STK39: variants seen among roughly 807,000 people sequenced by gnomAD.
The protein encoded by STK39 is serine/threonine kinase 39.
A neutral mutation model predicts 77.8 loss-of-function variants in STK39; 20 were observed. The observed-to-expected ratio is 0.26, with a 90% confidence interval of 0.18 to 0.37. STK39 has a LOEUF of 0.37. STK39 is among the 10% of genes least tolerant of loss of function. The pLI is 1.00. For synonymous variants in STK39, 246 were observed against 234.1 expected (o/e 1.05, Z -0.47); for missense variants, 479 against 656.5 (o/e 0.73, Z 2.95).
chr2:168,229,212 C>T (rs903786413), intron 1 of STK39, among the ~76,000 whole-genome samples: 1 of 151,856 alleles, frequency 6.6e-6, no homozygotes, highest in African/African-American at 2.4e-5. Flanking sequence ...TGGTGAAACC[C>T]ATCTCTACTA....
intron 1 of STK39, among the ~76,000 whole-genome samples, chr2:168,209,136 T>C (rs1447976117): frequency 6.6e-6 from 1 of 152,182 alleles, no homozygotes; most frequent in Non-Finnish European, 1.5e-5. Flanking sequence ...TCTTAGATTC[T>C]ACCCCTTTCC....
intron 5 of STK39, among the ~76,000 whole-genome samples, chr2:168,161,461 G>GA (rs1688571493): frequency 6.6e-6 from 1 of 151,998 alleles, no homozygotes; most frequent in Admixed American, 6.6e-5. Context: ...CAAACCTATC[G>GA]AAAAATGTTT....
chr2:168,076,511 C>G (rs1345887042), intron 10 of STK39, among the ~76,000 whole-genome samples: 1 of 152,022 alleles, frequency 6.6e-6, no homozygotes, highest in African/African-American at 2.4e-5. Flanking sequence ...CAGATCAATG[C>G]GAAGTCATAA....
At chr2:168,056,536 A>G (rs894960041) in intron 14 of STK39, among the ~76,000 whole-genome samples, 6 of 152,188 alleles carry the variant, frequency 3.9e-5, no homozygotes, top group African/African-American at 1.4e-4. Context: ...GGAGCATAAC[A>G]CACATAAATG....
At chr2:168,031,556 G>A (rs2105339308) in intron 14 of STK39, among the ~76,000 whole-genome samples, 1 of 152,264 alleles carries the variant, frequency 6.6e-6, no homozygotes, top group East Asian at 1.9e-4. Context: ...TTGGGGACAG[G>A]GTCTTCAAAG....
chr2:168,125,312 C>G (rs1687512542), intron 10 of STK39, among the ~76,000 whole-genome samples: 1 of 151,956 alleles, frequency 6.6e-6, no homozygotes, highest in African/African-American at 2.4e-5. Flanking sequence ...GAATTCAGTA[C>G]AGTAAAAGAT....
intron 13 of STK39, among the ~76,000 whole-genome samples, chr2:168,064,079 G>C (rs1685733352): frequency 6.6e-6 from 1 of 152,094 alleles, no homozygotes; most frequent in Admixed American, 6.5e-5. Flanking sequence ...GGGAATCCCG[G>C]GACATGAGTA....
chr2:168,070,221 G>A (rs1408002750), intron 12 of STK39, among the ~76,000 whole-genome samples: 3 of 152,078 alleles, frequency 2.0e-5, no homozygotes, highest in Non-Finnish European at 2.9e-5. Context: ...CTAGCGAGCT[G>A]TCTTTACTTT....
chr2:168,104,313 T>G (rs933953693), intron 10 of STK39, among the ~76,000 whole-genome samples: 4 of 152,044 alleles, frequency 2.6e-5, no homozygotes, highest in African/African-American at 9.7e-5. Context: ...CTCTAATCAT[T>G]AGGAAAAAAA....
intron 1 of STK39, among the ~76,000 whole-genome samples, chr2:168,214,596 T>G (rs72876955): frequency 0.018 from 2,692 of 152,298 alleles, 45 homozygotes; most frequent in Non-Finnish European, 0.03. Flanking sequence ...TGCCACTGAA[T>G]TGTTAATCTT....
intron 5 of STK39, among the ~76,000 whole-genome samples, chr2:168,153,430 G>A (rs1688341570): frequency 6.6e-6 from 1 of 152,048 alleles, no homozygotes; most frequent in African/African-American, 2.4e-5. Flanking sequence ...ACCCTTAGAG[G>A]GCTTCTTAAA....
At chr2:167,998,921 T>C (rs540316742) in intron 16 of STK39, among the ~76,000 whole-genome samples, 90 of 152,340 alleles carry the variant, frequency 5.9e-4, no homozygotes, top group African/African-American at 2.1e-3. Context: ...GAAACGCGTC[T>C]GAAGGAAAGC....
chr2:168,168,216 A>G (rs572927332), intron 2 of STK39, among the ~76,000 whole-genome samples: 49 of 152,310 alleles, frequency 3.2e-4, no homozygotes, highest in South Asian at 6.2e-4. Flanking sequence ...TGTTTTATAT[A>G]AAGACATAAA....
intron 5 of STK39, among the ~76,000 whole-genome samples, chr2:168,145,356 CG>C (rs1403356595): frequency 6.6e-6 from 1 of 152,106 alleles, no homozygotes; most frequent in Non-Finnish European, 1.5e-5. Flanking sequence ...GTCTCTGTGA[CG>C]GGAGACTTTA....
intron 16 of STK39, among the ~76,000 whole-genome samples, chr2:167,992,956 A>G (rs1442912431): frequency 1.3e-5 from 2 of 152,252 alleles, no homozygotes; most frequent in African/African-American, 4.8e-5. Flanking sequence ...CACCAATGAC[A>G]TGCATGCACC....
intron 1 of STK39, among the ~76,000 whole-genome samples, chr2:168,199,831 C>CA (rs11372724): frequency 0.44 from 66,710 of 151,566 alleles, 16,881 homozygotes; most frequent in East Asian, 0.77. Context: ...ACATTTATAT[C>CA]ATGCAGATTT....
At chr2:168,243,643 TAAC>T (rs543879378) in intron 1 of STK39, among the ~76,000 whole-genome samples, 170 of 152,292 alleles carry the variant, frequency 1.1e-3, no homozygotes, top group African/African-American at 3.8e-3. Context: ...TCAGCAAAGA[TAAC>T]AACATTGCTG....
chr2:168,039,599 C>CAAA (rs1173242043), intron 14 of STK39, among the ~76,000 whole-genome samples: 9 of 7,932 alleles, frequency 1.1e-3, no homozygotes, highest in Admixed American at 3.0e-3. Context: ...ACTCCGTCTC[C>CAAA]AAAAAAAAAA....
chr2:168,043,408 G>C (rs1285378049), intron 14 of STK39, among the ~76,000 whole-genome samples: 3 of 152,078 alleles, frequency 2.0e-5, no homozygotes, highest in Admixed American at 2.0e-4. Context: ...CCCAGTAACA[G>C]AATCAATTAA....
Sources: allele counts gnomAD v4.1 joint callset (sites outside exome capture counted in the v4.1 genomes callset), GRCh38; gene constraint gnomAD v4.1.1; transcripts MANE v1.5; gene names NCBI Gene and HGNC (gene_info 2026-07-23, HGNC 2026-07-21).